PARP8: variants seen among roughly 807,000 people sequenced by gnomAD.
PARP8 encodes the protein protein mono-ADP-ribosyltransferase PARP8.
Under a neutral mutation model 124.1 loss-of-function variants are expected in PARP8, and 51 were observed. The ratio of observed to expected loss-of-function variants is 0.41; its 90% CI spans 0.33 to 0.52. PARP8 has a LOEUF of 0.52. PARP8 is among the 20% of genes least tolerant of loss of function. PARP8 has a pLI of 0.21. For missense variants in PARP8, 860 were observed against 1,018.9 expected (o/e 0.84, Z 2.12); for synonymous variants, 391 against 361.5 (o/e 1.08, Z -0.93).
intron 14 of PARP8, among the ~76,000 whole-genome samples, chr5:50,799,357 T>C (rs572965529): frequency 6.6e-6 from 1 of 152,352 alleles, no homozygotes; most frequent in Non-Finnish European, 1.5e-5. Flanking sequence ...GGCACCCTCG[T>C]TGAAAATTAT....
rs1253135259 is a variant in PARP8 at position 50,815,416 on chromosome 5, C to G, written c.1576-16C>G. 1.3e-6 allele frequency: 2 copies of G among 1,535,476 alleles called. No homozygotes were observed. The highest frequency in any genetic ancestry group is 1.7e-6 in the Non-Finnish European group (2 of 1,145,512). ...TTGGAAAAAAGTTTTGTGATTGATT[C>G]CTTTTTCTTTTGTAGCCTACCGTAT... On this transcript the variant is annotated splice_polypyrimidine_tract_variant and intron_variant, in intron 14 of 25. Coordinates refer to ENST00000281631, the MANE Select transcript of PARP8 (RefSeq NM_024615.4).
rs1378580511 is a variant in PARP8, at chr5:50,843,962, C to G, written c.*1894C>G. On this transcript the variant is annotated 3_prime_UTR_variant, in exon 26 of 26. Transcript: ENST00000281631. ...TTGACCACTAGGACCACTGAGGCAC[C>G]TCCAATAAGCTCTGTAGAGTGCCTC... 6.6e-6 allele frequency: 1 copy of G among 151,814 alleles called. No homozygotes were observed. Among genetic ancestry groups the G allele is most frequent in the African/African-American group, 2.4e-5 (1 of 41,390 alleles). The allele number at this position is 151,814 out of a possible 1,614,324, so 9.4% of individuals were successfully genotyped here.
intron 2 of PARP8, among the ~76,000 whole-genome samples, chr5:50,671,478 A>G (rs1218987896): frequency 6.7e-6 from 1 of 149,402 alleles, no homozygotes; most frequent in African/African-American, 2.5e-5. Context: ...AGGTTTTAAA[A>G]GTACACAAAT....
intron 7 of PARP8, among the ~76,000 whole-genome samples, chr5:50,772,906 C>G (rs185509881): frequency 2.6e-5 from 4 of 152,044 alleles, no homozygotes; most frequent in Admixed American, 2.6e-4. Flanking sequence ...GCCATGTTGG[C>G]TGGGCTGGTC....
chr5:50,809,075 C>A (rs1426481150), intron 14 of PARP8, among the ~76,000 whole-genome samples: 2 of 152,052 alleles, frequency 1.3e-5, no homozygotes, highest in South Asian at 2.1e-4. Flanking sequence ...CAAATAACAT[C>A]TTTAGTTTTA....
At chr5:50,682,843 T>C (rs1376695313) in intron 2 of PARP8, among the ~76,000 whole-genome samples, 4 of 152,074 alleles carry the variant, frequency 2.6e-5, no homozygotes, top group Non-Finnish European at 5.9e-5. Context: ...TAGTAAACAG[T>C]TTTTCTATGA....
chr5:50,779,029 A>T (rs1740358130), intron 9 of PARP8, among the ~76,000 whole-genome samples: 1 of 152,182 alleles, frequency 6.6e-6, no homozygotes. Context: ...GTCTTTGAAC[A>T]TGGAGATTAT....
At chr5:50,802,135 A>G (rs1418313384) in intron 14 of PARP8, among the ~76,000 whole-genome samples, 2 of 152,096 alleles carry the variant, frequency 1.3e-5, no homozygotes, top group Non-Finnish European at 2.9e-5. Flanking sequence ...TATTTGTATT[A>G]TGTCTATTTT....
At chr5:50,840,335 A>G (rs1346080399) in intron 25 of PARP8, among the ~76,000 whole-genome samples, 7 of 151,898 alleles carry the variant, frequency 4.6e-5, no homozygotes, top group East Asian at 1.9e-4. Flanking sequence ...ATGAATGACA[A>G]TGGAGGCCTA....
At chr5:50,741,861 G>T (rs1235010021) in intron 2 of PARP8, 9 of 442,070 alleles carry the variant, frequency 2.0e-5, no homozygotes, top group African/African-American at 1.7e-4. Context: ...CCCAGGCCGG[G>T]TGCAATAGCG....
At chr5:50,730,931 A>C (rs1756914029) in intron 2 of PARP8, among the ~76,000 whole-genome samples, 1 of 152,246 alleles carries the variant, frequency 6.6e-6, no homozygotes, top group African/African-American at 2.4e-5. Flanking sequence ...AGTTTGGCTC[A>C]CATGGGGCAG....
intron 2 of PARP8, among the ~76,000 whole-genome samples, chr5:50,686,247 C>T (rs1395686909): frequency 6.6e-6 from 1 of 152,200 alleles, no homozygotes; most frequent in Non-Finnish European, 1.5e-5. Context: ...GGGCTACAGG[C>T]CCCCTGCAAG....
chr5:50,720,870 C>T (rs1449447186), intron 2 of PARP8, among the ~76,000 whole-genome samples: 2 of 151,894 alleles, frequency 1.3e-5, no homozygotes, highest in African/African-American at 4.8e-5. Flanking sequence ...AGGGGCATCT[C>T]TTCTTTCAGA....
chr5:50,715,251 T>A (rs1424242404), intron 2 of PARP8, among the ~76,000 whole-genome samples: 2 of 152,090 alleles, frequency 1.3e-5, no homozygotes, highest in Admixed American at 1.3e-4. Context: ...TATCGCTCTT[T>A]AGTAACCTTT....
intron 2 of PARP8, among the ~76,000 whole-genome samples, chr5:50,709,848 T>C (rs1197410293): frequency 7.3e-6 from 1 of 136,582 alleles, no homozygotes; most frequent in South Asian, 2.5e-4. Context: ...TACAAGAGTG[T>C]GTGTGTGTGT....
chr5:50,816,331 T>C (rs1040590572), intron 15 of PARP8, among the ~76,000 whole-genome samples: 1 of 152,166 alleles, frequency 6.6e-6, no homozygotes, highest in African/African-American at 2.4e-5. Flanking sequence ...CGCTTTACCT[T>C]ACACTGTGTG....
intron 8 of PARP8, 64 bp downstream of exon 8, chr5:50,778,193 G>A (rs1353860847): frequency 2.4e-6 from 3 of 1,250,602 alleles, no homozygotes; most frequent in South Asian, 1.4e-5. Context: ...TATTTTTGGG[G>A]GAAATTTAAT....
At position 50,825,652 on chromosome 5, in the gene PARP8, A is replaced by G. The variant is rs530084545; in HGVS notation, c.1928+677A>G. On this transcript the variant is annotated intron_variant, in intron 18 of 25. Transcript: ENST00000281631. ...AAATGAAGACACTAGTTTCTACTCAACATCCCTTATAAGGGTTTTATACAC... is the reference window on the plus strand; with the variant it reads ...AAATGAAGACACTAGTTTCTACTCAGCATCCCTTATAAGGGTTTTATACAC... 1.2e-3 allele frequency among the ~76,000 whole-genome samples: 176 copies of G among 152,326 alleles called. 1 individual carries two copies. Among genetic ancestry groups the G allele is most frequent in the African/African-American group, 4.1e-3 (171 of 41,570 alleles).
At chr5:50,702,967 CAG>C (rs1168472138) in intron 2 of PARP8, among the ~76,000 whole-genome samples, 1 of 152,096 alleles carries the variant, frequency 6.6e-6, no homozygotes, top group Non-Finnish European at 1.5e-5. Context: ...GACCAGCAGA[CAG>C]AGAGTTGTAC....
Sources: allele counts gnomAD v4.1 joint callset (sites outside exome capture counted in the v4.1 genomes callset), GRCh38; gene constraint gnomAD v4.1.1; transcripts MANE v1.5; gene names NCBI Gene and HGNC (gene_info 2026-07-23, HGNC 2026-07-21).